Variants in CCDC9B observed in about 807,000 individuals in gnomAD.
The protein encoded by CCDC9B is coiled-coil domain containing 9B.
CCDC9B carries 40 observed loss-of-function variants against 47.2 expected under a neutral mutation model. The observed-to-expected ratio is 0.85, with a 90% CI of 0.66 to 1.10. The LOEUF (loss-of-function observed/expected upper bound fraction) is 1.10. Ranked by LOEUF, CCDC9B falls within the 50% of genes least tolerant of loss-of-function variation. The pLI, the probability that CCDC9B is intolerant of heterozygous loss-of-function variation, is 0.00. For synonymous variants in CCDC9B, 238 were observed against 250.7 expected (o/e 0.95, Z 0.48); for missense variants, 662 against 651.0 (o/e 1.02, Z -0.18).
chr15:40,335,240 G>A lies in CCDC9B; in HGVS notation c.1391C>T (p.Thr464Met), dbSNP rs572485964. ...QQGLAPRSRPTRGGSQRSRGT... is the reference protein window; with the variant it reads ...QQGLAPRSRPMRGGSQRSRGT... ...TCTCGACCTTTGGCTGCCTCCTCTC[G>A]TGGGCCGGCTTCTCGGGGCCAGGCC... The change falls in exon 11 of 11, where the codon ACG becomes ATG. Residue 464 changes from threonine to methionine, a missense_variant. Physicochemically the swap from Thr to Met is moderately conservative, Grantham distance 81. Transcript: ENST00000397536. 11 of 1,593,528 alleles carry A rather than the reference G, an allele frequency of 6.9e-6. No individual in the cohort carries two copies. The highest frequency in any genetic ancestry group is 2.3e-5 in the East Asian group (1 of 44,404).
Position 40,331,867 on chromosome 15 carries a change from T to G in CCDC9B, c.*3291A>C, listed in dbSNP as rs1411235111. On this transcript the variant is annotated 3_prime_UTR_variant, in exon 11 of 11. Coordinates refer to ENST00000397536, the MANE Select transcript of CCDC9B (RefSeq NM_207380.3). ...ACACTGCCTGTCATCAAAACACATGTCTTTCTTGCAGGCTGGTCTATTGCA... is the reference window on the plus strand; with the variant it reads ...ACACTGCCTGTCATCAAAACACATGGCTTTCTTGCAGGCTGGTCTATTGCA... 6.6e-6 allele frequency: 1 copy of G among 152,528 alleles called. No individual in the cohort carries two copies. Among genetic ancestry groups the G allele is most frequent in the Non-Finnish European group, 1.5e-5 (1 of 68,038 alleles). 9.4% of individuals were successfully genotyped at this position (152,528 alleles called of 1,614,324 possible).
In CCDC9B at chr15:40,332,967, T is replaced by A. The variant is rs1888886376; in HGVS notation, c.*2191A>T. 6.6e-6 allele frequency: 1 copy of A among 152,256 alleles called. No individual in the cohort carries two copies. Among genetic ancestry groups the A allele is most frequent in the South Asian group, 2.1e-4 (1 of 4,842 alleles). The allele number at this position is 152,256 out of a possible 1,614,324, so 9.4% of individuals were successfully genotyped here. ...TTCCTCTGATCAACCCCACACCAAATGCCTCTGCCCCCTTCACTCCATCCC... is the reference window on the plus strand; with the variant it reads ...TTCCTCTGATCAACCCCACACCAAAAGCCTCTGCCCCCTTCACTCCATCCC... On this transcript the variant is annotated 3_prime_UTR_variant, in exon 11 of 11. Coordinates refer to ENST00000397536, the MANE Select transcript of CCDC9B (RefSeq NM_207380.3).
Position 40,334,994 on chromosome 15 carries a change from C to T in CCDC9B, c.*164G>A. On this transcript the variant is annotated 3_prime_UTR_variant, in exon 11 of 11. Transcript: ENST00000397536. ...GATGAGCGTGTGAGGTGCAGGGAGG[C>T]CACTCCTTGCCCTCACAAGGTCGCC... The T allele has an allele frequency of 1.7e-6, 1 of 576,920 alleles. No individual in the cohort carries two copies. The highest frequency in any genetic ancestry group is 3.0e-5 in the South Asian group (1 of 33,236). 35.7% of individuals were successfully genotyped at this position (576,920 alleles called of 1,614,324 possible).
At chr15:40,339,457 T>C in intron 3 of CCDC9B, 55 bp downstream of exon 3, 1 of 1,572,542 alleles carries the variant, frequency 6.4e-7, no homozygotes, top group Non-Finnish European at 8.7e-7. Context: ...TTCCCCGACA[T>C]GGTCTGGGCC....
At position 40,335,664 on chromosome 15, in the gene CCDC9B, C is replaced by T. The variant is rs1426753663; in HGVS notation, c.967G>A (p.Glu323Lys). The T allele has an allele frequency of 2.8e-5, 43 of 1,542,858 alleles. No individual in the cohort carries two copies. The highest frequency in any genetic ancestry group is 3.7e-5 in the Non-Finnish European group (42 of 1,141,454). Residue 323 changes from glutamate to lysine, a missense_variant, in exon 11 of 11, where the codon GAG becomes AAG. Glu to Lys is a moderately conservative substitution (Grantham distance 56, BLOSUM62 1). Coordinates refer to ENST00000397536, the MANE Select transcript of CCDC9B (RefSeq NM_207380.3). The stretch of plus-strand genomic sequence containing the variant: ...ATCCCGCTCTGCTTCTGGGCTTGCT[C>T]CTCCTCACTGGGAGTCTCTCTGGTG... Reference protein sequence around the residue: ...QSTRETPSEEEQAQKQSGMEQ... With the variant: ...QSTRETPSEEKQAQKQSGMEQ...
At chr15:40,337,021 G>C (rs1888976784) in intron 7 of CCDC9B, 5 of 599,570 alleles carry the variant, frequency 8.3e-6, no homozygotes, top group African/African-American at 5.6e-5. Flanking sequence ...CCAACTCTCA[G>C]GCCACAGCTT....
rs757638137 is a variant in CCDC9B at position 40,337,470 on chromosome 15, T to C, written c.684-24A>G. Reference sequence around the variant, plus strand: ...GCCTGTGTAGACAGAGGGAGTCAGGTTGCTGGTGCACAGAAGCTGCCGCGG... The same window carrying C: ...GCCTGTGTAGACAGAGGGAGTCAGGCTGCTGGTGCACAGAAGCTGCCGCGG... On this transcript the variant is annotated intron_variant, in intron 6 of 10. Transcript: ENST00000397536. The C allele has an allele frequency of 2.6e-6, 4 of 1,533,430 alleles. No individual in the cohort carries two copies. The Admixed American group carries it at 8.4e-5, about 32-fold the overall frequency. 95.0% of individuals were successfully genotyped at this position (1,533,430 alleles called of 1,614,324 possible).
chr15:40,335,736 C>T (rs1158941116), intron 10 of CCDC9B, 36 bp from the exon 11 acceptor site: 1 of 1,592,184 alleles, frequency 6.3e-7, no homozygotes, highest in Non-Finnish European at 8.6e-7. Context: ...GCTGATGAAT[C>T]CAGGGCTCGC....
intron 9 of CCDC9B, 98 bp downstream of exon 9, chr15:40,336,475 AG>A: frequency 6.7e-7 from 1 of 1,485,386 alleles, no homozygotes. Context: ...GCCAGGAGGC[AG>A]GGGCCCCAGG....
At chr15:40,340,634 T>C (rs1166822795) in intron 1 of CCDC9B, 174 bp downstream of exon 1, 1 of 643,594 alleles carries the variant, frequency 1.6e-6, no homozygotes. Context: ...TGTCTCTGCA[T>C]CAAGATTCCA....
At position 40,334,038 on chromosome 15, in the gene CCDC9B, A is replaced by G. The variant is rs759506792; in HGVS notation, c.*1120T>C. On this transcript the variant is annotated 3_prime_UTR_variant, in exon 11 of 11. Coordinates refer to ENST00000397536, the MANE Select transcript of CCDC9B (RefSeq NM_207380.3). The stretch of plus-strand genomic sequence containing the variant: ...CTGTAGGGCACCTGTGGCCCAGAAC[A>G]GCTCCCGCCCAGAACAGCCCAGATC... 1 of 152,704 alleles carries G rather than the reference A, an allele frequency of 6.5e-6. No individual in the cohort carries two copies. Among genetic ancestry groups the G allele is most frequent in the Non-Finnish European group, 1.5e-5 (1 of 68,072 alleles). 9.5% of individuals were successfully genotyped at this position (152,704 alleles called of 1,614,324 possible).
intron 8 of CCDC9B, 38 bp from the exon 9 acceptor site, chr15:40,336,702 T>C (rs376584935): frequency 7.2e-5 from 115 of 1,604,312 alleles, no homozygotes; most frequent in Non-Finnish European, 9.5e-5. Flanking sequence ...AAGAGGCCCA[T>C]AGCAGCCGGC....
rs1468867374 is a variant in CCDC9B, at chr15:40,338,265, A to C, written c.513+270T>G. The C allele has an allele frequency of 1.2e-5, 8 of 643,700 alleles. No individual in the cohort carries two copies. The East Asian group carries it at 2.2e-4, about 17-fold the overall frequency. The allele number at this position is 643,700 out of a possible 1,614,324, so 39.9% of individuals were successfully genotyped here. The stretch of plus-strand genomic sequence containing the variant: ...ACCTGGCACTTGGCCAGTCAACTCC[A>C]CCCTCCTGCCCCCTCCCCAACTCCC... On this transcript the variant is annotated intron_variant, in intron 5 of 10. Coordinates refer to ENST00000397536, the MANE Select transcript of CCDC9B (RefSeq NM_207380.3).
rs1485739131 is a variant in CCDC9B, at chr15:40,339,811, G to C, written c.123+94C>G. Reference sequence around the variant, plus strand: ...CCCTACCCCTGGCCCCAGCCCCAGAGGCGCATTGCTGAGCCTGCAGGGAGA... The same window carrying C: ...CCCTACCCCTGGCCCCAGCCCCAGACGCGCATTGCTGAGCCTGCAGGGAGA... On this transcript the variant is annotated intron_variant, in intron 2 of 10. Coordinates refer to ENST00000397536, the MANE Select transcript of CCDC9B (RefSeq NM_207380.3). 8.6e-6 allele frequency: 12 copies of C among 1,396,378 alleles called. No individual in the cohort carries two copies. In the East Asian group the frequency reaches 2.5e-4, roughly 29 times the overall value. The allele number at this position is 1,396,378 out of a possible 1,614,324, so 86.5% of individuals were successfully genotyped here.
chr15:40,337,131 G>A (rs1475707788), intron 7 of CCDC9B: 1 of 630,436 alleles, frequency 1.6e-6, no homozygotes, highest in Non-Finnish European at 2.8e-6. Context: ...GGACCTCAAA[G>A]AGACCCCGGG....
chr15:40,337,364 G>A (rs1888984619), intron 7 of CCDC9B, 24 bp downstream of exon 7: 5 of 1,609,112 alleles, frequency 3.1e-6, no homozygotes, highest in Non-Finnish European at 4.3e-6. Flanking sequence ...AAGGAGGGGA[G>A]GGATGAGGTA....
chr15:40,340,047 T>G, intron 1 of CCDC9B, 32 bp from the exon 2 acceptor site: 1 of 1,423,670 alleles, frequency 7.0e-7, no homozygotes, highest in East Asian at 2.3e-5. Flanking sequence ...GCTCCTGACT[T>G]CCGGGTCCCC....
At position 40,335,218 on chromosome 15, in the gene CCDC9B, C is replaced by T. The variant is rs144372797; in HGVS notation, c.1413G>A (p.Ser471=). 47 of 1,574,106 alleles carry T rather than the reference C, an allele frequency of 3.0e-5. No individual in the cohort carries two copies. The highest frequency in any genetic ancestry group is 9.0e-5 in the East Asian group (4 of 44,318). Residue 471 remains serine (S), a synonymous_variant, in exon 11 of 11, where the codon TCG becomes TCA. Coordinates refer to ENST00000397536, the MANE Select transcript of CCDC9B (RefSeq NM_207380.3). ...SRPTRGGSQR[S]RGTAGVRRRT... The stretch of plus-strand genomic sequence containing the variant: ...TGCGCCTCACACCTGCTGTGCCTCT[C>T]GACCTTTGGCTGCCTCCTCTCGTGG...
At chr15:40,337,630 T>C in intron 6 of CCDC9B, 94 bp downstream of exon 6, 1 of 1,412,630 alleles carries the variant, frequency 7.1e-7, no homozygotes, top group Non-Finnish European at 9.5e-7. Flanking sequence ...CAAGGTCCTC[T>C]CAACCCCGAG....
Sources: gnomAD v4.1 joint callset for allele counts on GRCh38, gnomAD v4.1.1 for gene constraint, MANE v1.5 for transcripts, NCBI Gene and HGNC (gene_info 2026-07-23, HGNC 2026-07-21) for gene names.